The following RBM4 variants were observed in gnomAD, a reference collection of about 807,000 sequenced individuals.
The protein encoded by RBM4 is RNA binding motif protein 4, also known as RNA-binding protein 4.
A neutral mutation model predicts 29.5 loss-of-function variants in RBM4; 7 were observed. The ratio of observed to expected loss-of-function variants is 0.24; its 90% CI spans 0.14 to 0.45. RBM4 has a LOEUF of 0.45. Ranked by LOEUF, RBM4 falls within the 20% of genes least tolerant of loss-of-function variation. RBM4 has a pLI of 1.00. For missense variants in RBM4, 387 were observed against 502.3 expected (o/e 0.77, Z 2.19); for synonymous variants, 220 against 205.4 (o/e 1.07, Z -0.61).
chr11:66,648,097 T>A (rs1476877273), downstream of RBM4, among the ~76,000 whole-genome samples: 1 of 152,032 alleles, frequency 6.6e-6, no homozygotes, highest in Non-Finnish European at 1.5e-5. Context: ...TCCCGGCTAC[T>A]CAGGAGGCTG....
At chr11:66,641,653 A>G (rs1938469424) in intron 2 of RBM4, among the ~76,000 whole-genome samples, 1 of 152,150 alleles carries the variant, frequency 6.6e-6, no homozygotes, top group Non-Finnish European at 1.5e-5. Context: ...ATCCTTATAT[A>G]AAACTCTGGG....
chr11:66,662,603 A>G (rs1321921755), intron 2 of RBM4, among the ~76,000 whole-genome samples: 3 of 151,906 alleles, frequency 2.0e-5, no homozygotes, highest in Non-Finnish European at 2.9e-5. Flanking sequence ...GGGTTTCACC[A>G]TGTTGCCCAG....
intron 2 of RBM4, among the ~76,000 whole-genome samples, chr11:66,642,759 G>A (rs1365717496): frequency 6.6e-6 from 1 of 152,104 alleles, no homozygotes; most frequent in Non-Finnish European, 1.5e-5. Flanking sequence ...CCCTAGTAGA[G>A]GGTCACTAAA....
At chr11:66,652,968 C>T (rs1938864637) in intron 2 of RBM4, among the ~76,000 whole-genome samples, 1 of 152,034 alleles carries the variant, frequency 6.6e-6, no homozygotes, top group South Asian at 2.1e-4. Flanking sequence ...TTACTGCTCT[C>T]ATTTTTGTCT....
At chr11:66,648,405 C>CA (rs778960317), downstream of RBM4, among the ~76,000 whole-genome samples, 39 of 151,784 alleles carry the variant, frequency 2.6e-4, no homozygotes, top group Non-Finnish European at 4.9e-4. Context: ...TTTGTGGTCC[C>CA]AGCTACTCCA....
rs375664374 is a variant in RBM4 at position 66,643,859 on chromosome 11, A to T, written c.822A>T (p.Arg274Ser). The T allele has an allele frequency of 3.7e-6, 6 of 1,613,596 alleles. No individual in the cohort carries two copies. The highest frequency in any genetic ancestry group is 5.1e-6 in the Non-Finnish European group (6 of 1,179,956). The part of the protein sequence containing the change: ...LTSTSLDPYD[R>S]HLLPTSGAAA... ...CCACCTCTCTCGATCCCTACGATAG[A>T]CACCTGTTGCCGACCTCAGGAGCTG... The change falls in exon 3 of 4, where the codon AGA (arginine) becomes AGT (serine). Residue 274 changes from arginine to serine, a missense_variant. Coordinates refer to ENST00000310092, the MANE Select transcript of RBM4 (RefSeq NM_002896.4). The surrounding 1 kb of genome is among the most constrained non-coding windows in gnomAD (Gnocchi z 6.1).
chr11:66,644,516 G>A (rs565405918), intron 3 of RBM4: 4 of 268,940 alleles, frequency 1.5e-5, no homozygotes, highest in South Asian at 9.3e-5. Context: ...AGTTTCCTAC[G>A]TGTGCGACAT....
downstream of RBM4, among the ~76,000 whole-genome samples, chr11:66,648,276 T>A (rs1938751423): frequency 7.1e-6 from 1 of 140,184 alleles, no homozygotes; most frequent in East Asian, 2.6e-4. Flanking sequence ...ATCCCAGCAC[T>A]TTTGGAGGCT....
At position 66,652,731 on chromosome 11, in the gene RBM4, C is replaced by T. The variant is rs537219299; in HGVS notation, c.412+12608C>T. ...GATACAAAATTGGGTTGGTTTCGGG[C>T]GTGGTGGCGCATGTCGTAGTCTCAG... is the stretch of plus-strand genomic sequence containing the variant. On this transcript the variant is annotated intron_variant, in intron 2 of 2. Transcript: ENST00000396053. 4.3e-3 allele frequency among the ~76,000 whole-genome samples: 659 copies of T among 152,130 alleles called. 6 individuals carry two copies. The highest frequency in any genetic ancestry group is 5.0e-3 in the Non-Finnish European group (338 of 67,998).
downstream of RBM4, among the ~76,000 whole-genome samples, chr11:66,648,550 C>T (rs762069403): frequency 6.7e-6 from 1 of 150,354 alleles, no homozygotes; most frequent in Admixed American, 6.6e-5. Flanking sequence ...CGCGGTGGCT[C>T]ACACCTGTAA....
At chr11:66,647,301 A>G (rs1482587178), downstream of RBM4, among the ~76,000 whole-genome samples, 1 of 152,220 alleles carries the variant, frequency 6.6e-6, no homozygotes, top group Non-Finnish European at 1.5e-5. Context: ...TGATGGGGAG[A>G]TAAAGAAGCT....
chr11:66,664,198 G>A (rs1235907380), intron 2 of RBM4, among the ~76,000 whole-genome samples: 1 of 124,594 alleles, frequency 8.0e-6, no homozygotes, highest in East Asian at 2.7e-4. Flanking sequence ...TTTTTGAGAT[G>A]GGAGTACAGT....
In RBM4 at chr11:66,657,461, C is replaced by T. The variant is rs149352111; in HGVS notation, c.413-8395C>T. On this transcript the variant is annotated intron_variant, in intron 2 of 2. Coordinates refer to the RBM4 transcript ENST00000396053. Reference sequence around the variant, plus strand: ...ACTTTGGGAGGCCGAGGGGGTGGATCACTTGAGGTCAGGAGCTCGAGAGCA... The same window carrying T: ...ACTTTGGGAGGCCGAGGGGGTGGATTACTTGAGGTCAGGAGCTCGAGAGCA... Among the ~76,000 whole-genome samples the T allele has an allele frequency of 8.8e-3, 1,329 of 151,604 alleles. 22 individuals are homozygous for T. Among genetic ancestry groups the T allele is most frequent in the African/African-American group, 0.03 (1,235 of 41,328 alleles).
chr11:66,647,111 C>T (rs907707741), downstream of RBM4, among the ~76,000 whole-genome samples: 4 of 152,182 alleles, frequency 2.6e-5, no homozygotes, highest in African/African-American at 4.8e-5. Context: ...CAAGAACTGC[C>T]GCCTCAGCCT....
chr11:66,664,030 A>C, intron 2 of RBM4, among the ~76,000 whole-genome samples: 1 of 151,832 alleles, frequency 6.6e-6, no homozygotes, highest in East Asian at 1.9e-4. Flanking sequence ...GTTGTTTTGG[A>C]GACAGGGCCT....
chr11:66,643,784 G>A lies in RBM4; in HGVS notation c.747G>A (p.Leu249=), dbSNP rs778778601. Residue 249 remains leucine (L), a synonymous_variant, in exon 3 of 4, where the codon CTG becomes CTA. Coordinates refer to ENST00000310092, the MANE Select transcript of RBM4 (RefSeq NM_002896.4). The surrounding 1 kb of genome is among the most constrained non-coding windows in gnomAD (Gnocchi z 6.1). ...TGTATAATTACGCAGAGCAGACCCT[G>A]TCCCAGCTGCCACAAGTCCAGAATA... ...ASVYNYAEQT[L]SQLPQVQNTA... 41 of 1,613,832 alleles carry A rather than the reference G, an allele frequency of 2.5e-5. No individual in the cohort carries two copies. Among genetic ancestry groups the A allele is most frequent in the Non-Finnish European group, 3.5e-5 (41 of 1,180,010 alleles).
At chr11:66,648,101 G>A (rs544416669), downstream of RBM4, among the ~76,000 whole-genome samples, 1 of 152,232 alleles carries the variant, frequency 6.6e-6, no homozygotes, top group Admixed American at 6.5e-5. Flanking sequence ...GGCTACTCAG[G>A]AGGCTGAGGC....
exon 3 of RBM4, chr11:66,665,956 A>C (rs1275331573): frequency 6.5e-7 from 1 of 1,531,838 alleles, no homozygotes; most frequent in South Asian, 1.2e-5. Context: ...GGAAAAGCAG[A>C]AGATGCTGAG....
rs1010110674 is a variant in RBM4 at position 66,645,475 on chromosome 11, T to TATAC, written c.*9-549_*9-546dup. Among the ~76,000 whole-genome samples, 8 of 152,180 alleles carry TATAC rather than the reference T, an allele frequency of 5.3e-5. 1 individual carries two copies. Among genetic ancestry groups the TATAC allele is most frequent in the Admixed American group, 5.2e-4 (8 of 15,272 alleles). On this transcript the variant is annotated intron_variant, in intron 3 of 3. Coordinates refer to ENST00000310092, the MANE Select transcript of RBM4 (RefSeq NM_002896.4). ...TGGAAAAGAGACTTGATGTGTAGCT[T>TATAC]ATACATGCCCTTCTGCACCTTCTTT...
Sources: allele counts gnomAD v4.1 joint callset (sites outside exome capture counted in the v4.1 genomes callset), GRCh38; gene constraint gnomAD v4.1.1; non-coding constraint Gnocchi (gnomAD v3.1); transcripts MANE v1.5; gene names NCBI Gene and HGNC (gene_info 2026-07-23, HGNC 2026-07-21).